ELN: variants seen among roughly 807,000 people sequenced by gnomAD.
The protein encoded by ELN is elastin.
ELN carries 65 observed loss-of-function variants against 105.8 expected under a neutral mutation model. The ratio of observed to expected loss-of-function variants is 0.61; its 90% CI spans 0.50 to 0.75. The LOEUF is 0.75. Among genes scored for constraint, ELN ranks in the 30% least tolerant of loss-of-function variants. The pLI is 0.00. For missense variants in ELN, 882 were observed against 969.4 expected, an observed-to-expected ratio of 0.91 and a Z score of 1.20; for synonymous variants, 368 against 389.2, an observed-to-expected ratio of 0.95 and a Z score of 0.64.
intron 29 of ELN, among the ~76,000 whole-genome samples, chr7:74,065,491 G>A (rs1554688411): frequency 6.6e-6 from 1 of 151,878 alleles, no homozygotes; most frequent in African/African-American, 2.4e-5. Flanking sequence ...GTGGGTGCCT[G>A]TAATCCCAGC....
At chr7:74,052,157 T>C (rs1794197393) in intron 17 of ELN, 174 bp downstream of exon 17, 1 of 732,406 alleles carries the variant, frequency 1.4e-6, no homozygotes, top group African/African-American at 1.8e-5. Flanking sequence ...TCTCTATTGT[T>C]TTGCCCTGAT....
chr7:74,063,189 C>A lies in ELN; in HGVS notation c.1823C>A (p.Ala608Asp). 3.1e-6 allele frequency: 5 copies of A among 1,609,732 alleles called. No individual in the cohort carries two copies. The highest frequency in any genetic ancestry group is 1.3e-5 in the African/African-American group (1 of 74,902). ...CCTGGGGTCCTTGGAGGGCTCGGGG[C>A]TCTCGGTGGAGTAGGCATCCCAGGC... ...AVPGVLGGLG[A>D]LGGVGIPGGV... The change falls in exon 27 of 33, where the codon GCT becomes GAT. Residue 608 changes from alanine to aspartate, a missense_variant. Ala to Asp is a moderately radical substitution (Grantham distance 126, BLOSUM62 -2). Coordinates refer to ENST00000252034, the MANE Select transcript of ELN (RefSeq NM_000501.4). This position sits in a 1 kb window ranked among gnomAD's most constrained non-coding sequence, Gnocchi z 4.1.
Position 74,053,310 on chromosome 7 carries a change from G to T in ELN, c.1096+1G>T. 1.2e-6 allele frequency: 2 copies of T among 1,607,384 alleles called. No individual in the cohort carries two copies. The highest frequency in any genetic ancestry group is 1.7e-6 in the Non-Finnish European group (2 of 1,178,662). The stretch of plus-strand genomic sequence containing the variant: ...GGGATCCCAGGTGCTGCGGTTCCAG[G>T]TGAGCTGGGCTGTGTGTGTGTGTGT... On this transcript the variant is annotated splice_donor_variant, in intron 18 of 32. Coordinates refer to ENST00000252034, the MANE Select transcript of ELN (RefSeq NM_000501.4). LOFTEE classifies it high-confidence loss of function.
Position 74,065,978 on chromosome 7 carries a change from C to CG in ELN, c.2070dup (p.Gln691AlafsTer57), listed in dbSNP as rs1304441113. 1.2e-6 allele frequency: 2 copies of CG among 1,613,944 alleles called. No homozygotes were observed. Among genetic ancestry groups the CG allele is most frequent in the Non-Finnish European group, 1.7e-6 (2 of 1,180,000 alleles). On this transcript the variant is annotated frameshift_variant, in exon 31 of 33. Coordinates refer to ENST00000252034, the MANE Select transcript of ELN (RefSeq NM_000501.4). LOFTEE classifies it high-confidence loss of function. ...GCCTTGGAGGTGTCCTAGGGGGTGC[C>CG]GGGCAGTTCCCACTTGGAGGTAGGG...
intron 15 of ELN, among the ~76,000 whole-genome samples, chr7:74,050,605 GCATTCATTCATT>G (rs111893691): frequency 5.2e-4 from 78 of 150,742 alleles, no homozygotes; most frequent in African/African-American, 1.3e-3. Context: ...ATTCACCCAT[GCATTCATTCATT>G]CATTCATTCA....
chr7:74,046,220 G>A lies in ELN; in HGVS notation c.571+3G>A. On this transcript the variant is annotated splice_donor_region_variant and intron_variant, in intron 11 of 32. Transcript: ENST00000252034. Reference sequence around the variant, plus strand: ...TGGAGCTTTTGCTGGAATCCCAGGTGAGGCAAGGCTGGTGGGAGAAGCAGG... The same window carrying A: ...TGGAGCTTTTGCTGGAATCCCAGGTAAGGCAAGGCTGGTGGGAGAAGCAGG... 3 of 1,614,194 alleles carry A rather than the reference G, an allele frequency of 1.9e-6. No individual in the cohort carries two copies. The highest frequency in any genetic ancestry group is 2.5e-6 in the Non-Finnish European group (3 of 1,180,028).
chr7:74,033,508 C>G (rs950047022), intron 1 of ELN, among the ~76,000 whole-genome samples: 2 of 152,244 alleles, frequency 1.3e-5, no homozygotes, highest in African/African-American at 4.8e-5. Flanking sequence ...GCCCAGCCCC[C>G]CTGGGGCCAC....
intron 32 of ELN, among the ~76,000 whole-genome samples, chr7:74,068,404 CAG>C (rs1472457359): frequency 6.6e-6 from 1 of 152,222 alleles, no homozygotes; most frequent in Admixed American, 6.5e-5. Flanking sequence ...CGTCCTTCCC[CAG>C]CCAGGCCCCA....
chr7:74,040,848 T>C (rs1554668052), intron 4 of ELN, among the ~76,000 whole-genome samples: 2 of 152,208 alleles, frequency 1.3e-5, no homozygotes, highest in East Asian at 3.9e-4. Context: ...TCAAGAGATA[T>C]CTGCAAGGAA....
rs371125447 is a variant in ELN at position 74,038,902 on chromosome 7, T to C, written c.196+1163T>C. Among the ~76,000 whole-genome samples the C allele has an allele frequency of 9.8e-5, 15 of 152,358 alleles. No homozygotes were observed. In the South Asian group the frequency reaches 2.9e-3, roughly 29 times the overall value. On this transcript the variant is annotated intron_variant, in intron 4 of 32. Transcript: ENST00000252034. ...GGGGTGCCTGGGGTCTACAGGGCTC[T>C]GCAAGGCCAGGAGACCCTGGGAGCT... is the stretch of plus-strand genomic sequence containing the variant.
intron 21 of ELN, chr7:74,057,316 C>T: frequency 7.7e-7 from 1 of 1,306,768 alleles, no homozygotes; most frequent in South Asian, 1.9e-5. Context: ...ATTCTCCCAC[C>T]CACCCTTGCT....
intron 13 of ELN, 126 bp downstream of exon 13, chr7:74,047,842 G>A: frequency 7.3e-7 from 1 of 1,379,012 alleles, no homozygotes; most frequent in East Asian, 2.4e-5. Flanking sequence ...GGGTCTTGGA[G>A]TGGGAATCTC....
At chr7:74,065,072 C>CA (rs555774764) in intron 29 of ELN, among the ~76,000 whole-genome samples, 249 of 151,834 alleles carry the variant, frequency 1.6e-3, no homozygotes, top group Non-Finnish European at 2.5e-3. Context: ...AAGACCCCCC[C>CA]CCACCACCAC....
At chr7:74,047,066 A>G (rs1377127164) in intron 12 of ELN, among the ~76,000 whole-genome samples, 15 of 152,180 alleles carry the variant, frequency 9.9e-5, no homozygotes, top group African/African-American at 3.6e-4. Context: ...CCTGGGTAAC[A>G]GAGTGAGACT....
Position 74,048,500 on chromosome 7 carries a change from C to G in ELN, c.746-3C>G. 1 of 1,614,032 alleles carries G rather than the reference C, an allele frequency of 6.2e-7. No homozygotes were observed. Among genetic ancestry groups the G allele is most frequent in the Non-Finnish European group, 8.5e-7 (1 of 1,179,944 alleles). On this transcript the variant is annotated splice_polypyrimidine_tract_variant and splice_region_variant and intron_variant, in intron 14 of 32. Transcript: ENST00000252034. The stretch of plus-strand genomic sequence containing the variant: ...GTCTCTCCCCTCTGCTTCCTTCCCC[C>G]AGGGGTTGGCCCCCAGGCAGCAGCA...
chr7:74,056,577 A>G (rs1554680012), intron 20 of ELN, 95 bp from the exon 21 acceptor site: 1 of 1,605,354 alleles, frequency 6.2e-7, no homozygotes, highest in Non-Finnish European at 8.5e-7. Context: ...GGGAGGTCGT[A>G]TCCATGCCTT....
rs570875255 is a variant in ELN, at chr7:74,068,479, G to A, written c.2132-178G>A. On this transcript the variant is annotated intron_variant, in intron 32 of 32. Transcript: ENST00000252034. ...AAGTAATATCTTGGGGGCTTCTCCCGCCCCATCTGTCCAGTGGAAGTTGAT... is the reference window on the plus strand; with the variant it reads ...AAGTAATATCTTGGGGGCTTCTCCCACCCCATCTGTCCAGTGGAAGTTGAT... Among the ~76,000 whole-genome samples the A allele has an allele frequency of 5.3e-5, 8 of 152,316 alleles. No individual in the cohort carries two copies. In the South Asian group the frequency reaches 1.0e-3, roughly 20 times the overall value.
Position 74,046,710 on chromosome 7 carries a change from G to C in ELN, c.586G>C (p.Gly196Arg). The C allele has an allele frequency of 6.2e-7, 1 of 1,614,188 alleles. No homozygotes were observed. The highest frequency in any genetic ancestry group is 8.5e-7 in the Non-Finnish European group (1 of 1,180,018). ...FAGIPGVGPF[G>R]GPQPGVPLGY... The stretch of plus-strand genomic sequence containing the variant: ...TATTCCCACAGGAGTTGGACCCTTT[G>C]GGGGACCGCAACCTGGAGTCCCACT... Residue 196 changes from glycine (G) to arginine (R), a missense_variant, in exon 12 of 33, where the codon GGG becomes CGG. Physicochemically the swap from Gly to Arg is moderately radical, Grantham distance 125 (BLOSUM62 -2). Coordinates refer to ENST00000252034, the MANE Select transcript of ELN (RefSeq NM_000501.4).
intron 1 of ELN, among the ~76,000 whole-genome samples, chr7:74,033,922 C>G (rs141190836): frequency 1.3e-5 from 2 of 152,176 alleles, no homozygotes; most frequent in Non-Finnish European, 2.9e-5. Flanking sequence ...GCAGGGCCCC[C>G]GGTTTGGGAC....
Sources: allele counts gnomAD v4.1 joint callset (sites outside exome capture counted in the v4.1 genomes callset), GRCh38; gene constraint gnomAD v4.1.1; non-coding constraint Gnocchi (gnomAD v3.1); transcripts MANE v1.5; gene names NCBI Gene and HGNC (gene_info 2026-07-23, HGNC 2026-07-21).